Variants in GABRA3 observed in about 807,000 individuals in gnomAD.
GABRA3 encodes the protein gamma-aminobutyric acid type A receptor subunit alpha3, also known as gamma-aminobutyric acid receptor subunit alpha-3.
In GABRA3, 10 loss-of-function variants were observed where a neutral mutation model predicts 30.1. That is an observed-to-expected ratio of 0.33 (90% CI 0.20 to 0.56). The LOEUF (loss-of-function observed/expected upper bound fraction) is 0.56, where lower values mean the gene tolerates loss of function less well. Among genes scored for constraint, GABRA3 ranks in the 20% least tolerant of loss-of-function variants. The pLI, the probability that GABRA3 is intolerant of heterozygous loss-of-function variation, is 0.89. For synonymous variants in GABRA3, 151 were observed against 146.8 expected, an observed-to-expected ratio of 1.03 and a Z score of -0.21; for missense variants, 233 against 392.0, an observed-to-expected ratio of 0.59 and a Z score of 3.42.
rs149089810 is a variant in GABRA3, at chrX:152,362,085, G to A, written c.140+2346C>T. On this transcript the variant is annotated intron_variant, in intron 2 of 9. Transcript: ENST00000370314. ...AGAGTCTTATATACCAAGATTCTAAGGATATACAAGCCCAGTTCTGCAGCC... is the reference window on the plus strand; with the variant it reads ...AGAGTCTTATATACCAAGATTCTAAAGATATACAAGCCCAGTTCTGCAGCC... 4.2e-3 allele frequency among the ~76,000 whole-genome samples: 463 copies of A among 110,881 alleles called. 4 individuals are homozygous for A. The highest frequency in any genetic ancestry group is 0.014 in the African/African-American group (442 of 30,492).
At chrX:152,418,025 TA>T (rs764752857) in intron 1 of GABRA3, among the ~76,000 whole-genome samples, 5 of 98,548 alleles carry the variant, frequency 5.1e-5, no homozygotes, top group East Asian at 3.1e-4. Context: ...TAATGTATAA[TA>T]AAAAAAAGAA....
intron 3 of GABRA3, among the ~76,000 whole-genome samples, chrX:152,291,888 T>C (rs150604394): frequency 1.1e-3 from 121 of 112,170 alleles, no homozygotes; most frequent in African/African-American, 3.6e-3. Flanking sequence ...GATAAGCTTT[T>C]TGATGTACTT....
intron 1 of GABRA3, among the ~76,000 whole-genome samples, chrX:152,412,846 T>C (rs1388280074): frequency 1.8e-5 from 2 of 111,141 alleles, no homozygotes; most frequent in Admixed American, 9.6e-5. Context: ...TTTAAAATGG[T>C]TTAAAAAAGA....
chrX:152,307,312 T>C (rs1939734149), intron 3 of GABRA3, among the ~76,000 whole-genome samples: 1 of 112,050 alleles, frequency 8.9e-6, no homozygotes, highest in Non-Finnish European at 1.9e-5. Flanking sequence ...ATGCTAGTTA[T>C]CACCAGTACT....
chrX:152,234,116 C>A (rs984228225), intron 5 of GABRA3, among the ~76,000 whole-genome samples: 2 of 106,228 alleles, frequency 1.9e-5, no homozygotes, highest in African/African-American at 6.9e-5. Context: ...TTAGTGGGTG[C>A]AGTGCACCAG....
chrX:152,271,394 C>A (rs540656749), intron 4 of GABRA3, among the ~76,000 whole-genome samples: 1 of 112,252 alleles, frequency 8.9e-6, no homozygotes, highest in Admixed American at 9.4e-5. Context: ...TCTTGCTATG[C>A]TTTAGCAAAG....
intron 4 of GABRA3, among the ~76,000 whole-genome samples, chrX:152,279,109 G>A (rs1939148651): frequency 1.8e-5 from 2 of 111,786 alleles, no homozygotes; most frequent in Admixed American, 1.9e-4. Flanking sequence ...AAGCTCTTTA[G>A]TTTAATTAGA....
intron 1 of GABRA3, among the ~76,000 whole-genome samples, chrX:152,416,720 A>G (rs1173573758): frequency 9.0e-6 from 1 of 110,721 alleles, no homozygotes; most frequent in African/African-American, 3.3e-5. Flanking sequence ...AAATAACACC[A>G]CATATCTACA....
At chrX:152,210,084 C>T (rs755052494) in intron 6 of GABRA3, among the ~76,000 whole-genome samples, 6 of 112,293 alleles carry the variant, frequency 5.3e-5, no homozygotes, top group Non-Finnish European at 1.1e-4. Flanking sequence ...CTAGCAATAA[C>T]ATTTAGTGTA....
At chrX:152,434,671 T>C (rs1284731649) in intron 1 of GABRA3, among the ~76,000 whole-genome samples, 1 of 111,846 alleles carries the variant, frequency 8.9e-6, no homozygotes, top group Non-Finnish European at 1.9e-5. Context: ...GAGATATATA[T>C]AACAAGAATA....
At chrX:152,218,756 G>A (rs933825560) in intron 6 of GABRA3, among the ~76,000 whole-genome samples, 2 of 110,973 alleles carry the variant, frequency 1.8e-5, no homozygotes, top group Non-Finnish European at 3.8e-5. Flanking sequence ...ATGGGAATAG[G>A]GCTCCCTGGT....
chrX:152,222,175 T>G (rs1937853925), intron 6 of GABRA3, among the ~76,000 whole-genome samples: 1 of 110,506 alleles, frequency 9.0e-6, no homozygotes, highest in African/African-American at 3.3e-5. Context: ...AGTGCTGCGA[T>G]GAACATACGT....
intron 1 of GABRA3, among the ~76,000 whole-genome samples, chrX:152,428,566 C>T (rs1930569484): frequency 9.0e-6 from 1 of 111,605 alleles, no homozygotes; most frequent in Admixed American, 9.6e-5. Flanking sequence ...GCCTCCAGCC[C>T]CCACTGAGCA....
At chrX:152,174,462 G>T (rs1307072434) in intron 9 of GABRA3, among the ~76,000 whole-genome samples, 1 of 111,809 alleles carries the variant, frequency 8.9e-6, no homozygotes, top group African/African-American at 3.3e-5. Flanking sequence ...GTTGTTTCCT[G>T]ACTTTTTAAC....
chrX:152,298,346 G>T (rs893930752), intron 3 of GABRA3, among the ~76,000 whole-genome samples: 1 of 109,828 alleles, frequency 9.1e-6, no homozygotes, highest in Non-Finnish European at 1.9e-5. Context: ...TTTACATTAG[G>T]TATATCTCCT....
At chrX:152,324,731 TAGAA>T (rs1940025434) in intron 3 of GABRA3, among the ~76,000 whole-genome samples, 1 of 111,413 alleles carries the variant, frequency 9.0e-6, no homozygotes, top group Admixed American at 9.6e-5. Context: ...ATAAAAGAAA[TAGAA>T]AGCTTTATGT....
At chrX:152,378,429 G>A (rs1041803165) in intron 1 of GABRA3, among the ~76,000 whole-genome samples, 1 of 111,560 alleles carries the variant, frequency 9.0e-6, no homozygotes, top group Non-Finnish European at 1.9e-5. Context: ...ACAACTTCCA[G>A]ATATAAAAAG....
intron 3 of GABRA3, among the ~76,000 whole-genome samples, chrX:152,334,994 G>A (rs1004273659): frequency 1.8e-5 from 2 of 111,361 alleles, no homozygotes; most frequent in African/African-American, 6.5e-5. Flanking sequence ...TCTCATCCAG[G>A]AATAAGCTAC....
At chrX:152,275,818 T>G (rs1032477486) in intron 4 of GABRA3, among the ~76,000 whole-genome samples, 2 of 109,074 alleles carry the variant, frequency 1.8e-5, no homozygotes, top group African/African-American at 6.6e-5. Flanking sequence ...ATATATATAT[T>G]TATAGGATAG....
Sources: allele counts gnomAD v4.1 joint callset (sites outside exome capture counted in the v4.1 genomes callset), GRCh38; gene constraint gnomAD v4.1.1; transcripts MANE v1.5; gene names NCBI Gene and HGNC (gene_info 2026-07-23, HGNC 2026-07-21).